CD6: variants seen among roughly 807,000 people sequenced by gnomAD.
CD6 encodes the protein CD6 molecule.
CD6 carries 53 observed loss-of-function variants against 75.3 expected under a neutral mutation model. The observed-to-expected ratio is 0.70, with a 90% CI of 0.56 to 0.88. The LOEUF is 0.88. CD6 is among the 40% of genes least tolerant of loss of function. The pLI, the probability that CD6 is intolerant of heterozygous loss-of-function variation, is 0.00. For synonymous variants in CD6, 359 were observed against 381.5 expected (o/e 0.94, Z 0.69); for missense variants, 770 against 897.1 (o/e 0.86, Z 1.81).
intron 1 of CD6, among the ~76,000 whole-genome samples, chr11:61,000,936 G>T (rs1451372035): frequency 6.6e-6 from 1 of 152,066 alleles, no homozygotes; most frequent in Non-Finnish European, 1.5e-5. Context: ...CTGGGCTGGG[G>T]TCGGCACTCC....
chr11:61,001,239 C>T (rs1283934037), intron 1 of CD6, among the ~76,000 whole-genome samples: 3 of 119,782 alleles, frequency 2.5e-5, no homozygotes, highest in African/African-American at 3.4e-5. Flanking sequence ...CTTGCTCTGT[C>T]GCCCAGGCTA....
At chr11:60,996,478 T>C (rs1387556023) in intron 1 of CD6, among the ~76,000 whole-genome samples, 2 of 152,236 alleles carry the variant, frequency 1.3e-5, no homozygotes, top group African/African-American at 4.8e-5. Context: ...CAGGTGAGTG[T>C]TTCCGGACAG....
rs1859603346 is a variant in CD6, at chr11:61,020,122, G to A, written c.*804G>A. ...CCCCACCACAGATCCCAGAGATAGGGGCCCAGTCTCCATGGGGGCAAGGAG... is the reference window on the plus strand; with the variant it reads ...CCCCACCACAGATCCCAGAGATAGGAGCCCAGTCTCCATGGGGGCAAGGAG... On this transcript the variant is annotated 3_prime_UTR_variant, in exon 13 of 13. Coordinates refer to ENST00000313421, the MANE Select transcript of CD6 (RefSeq NM_006725.5). 1 of 398,700 alleles carries A rather than the reference G, an allele frequency of 2.5e-6. No homozygotes were observed. The highest frequency in any genetic ancestry group is 4.4e-6 in the Non-Finnish European group (1 of 226,182). 24.7% of individuals were successfully genotyped at this position (398,700 alleles called of 1,614,324 possible). A position where few individuals can be genotyped will look rare whatever the true frequency, so the allele number is the denominator to read the frequency against.
intron 1 of CD6, among the ~76,000 whole-genome samples, chr11:60,983,900 G>A (rs1481519375): frequency 6.6e-6 from 1 of 152,162 alleles, no homozygotes; most frequent in Non-Finnish European, 1.5e-5. Flanking sequence ...GCATAGAGCA[G>A]TTATTCTGTA....
chr11:60,984,674 A>G (rs1221699584), intron 1 of CD6, among the ~76,000 whole-genome samples: 1 of 152,244 alleles, frequency 6.6e-6, no homozygotes, highest in Non-Finnish European at 1.5e-5. Context: ...TATGTGCACC[A>G]AGGGAAATCA....
At chr11:60,997,874 T>C (rs1413789526) in intron 1 of CD6, among the ~76,000 whole-genome samples, 3 of 152,236 alleles carry the variant, frequency 2.0e-5, no homozygotes, top group Non-Finnish European at 4.4e-5. Context: ...AAGTGCTCAG[T>C]AGCCACACGT....
At chr11:60,977,221 C>T (rs967453273) in intron 1 of CD6, among the ~76,000 whole-genome samples, 31 of 152,278 alleles carry the variant, frequency 2.0e-4, no homozygotes, top group African/African-American at 7.2e-4. Flanking sequence ...CTGTTAGATT[C>T]TGAGTTAAGG....
At chr11:60,992,925 T>G (rs1858127469) in intron 1 of CD6, among the ~76,000 whole-genome samples, 1 of 152,112 alleles carries the variant, frequency 6.6e-6, no homozygotes, top group Non-Finnish European at 1.5e-5. Context: ...GTCTAAAGTC[T>G]GGCGGGGGAT....
chr11:60,976,420 G>C (rs1857366505), intron 1 of CD6, among the ~76,000 whole-genome samples: 1 of 152,126 alleles, frequency 6.6e-6, no homozygotes, highest in Non-Finnish European at 1.5e-5. Context: ...GAACTCAATG[G>C]CCAAATGTTT....
At chr11:60,986,855 C>A (rs1857838505) in intron 1 of CD6, among the ~76,000 whole-genome samples, 1 of 152,168 alleles carries the variant, frequency 6.6e-6, no homozygotes, top group South Asian at 2.1e-4. Context: ...CTCCCTGGCG[C>A]CGTGGCGCAC....
chr11:61,018,309 A>G lies in CD6; in HGVS notation c.1858A>G (p.Ser620Gly). Reference protein sequence around the residue: ...AFSAGPPADDSSSTSSGEWYQ... With the variant: ...AFSAGPPADDGSSTSSGEWYQ... Reference sequence around the variant, plus strand: ...TCCAGCAGGGCCCCCGGCTGATGACAGCTCCAGCACCTCATCCGGGGAGTG... The same window carrying G: ...TCCAGCAGGGCCCCCGGCTGATGACGGCTCCAGCACCTCATCCGGGGAGTG... Residue 620 changes from serine (S) to glycine (G), a missense_variant, in exon 12 of 13, where the codon AGC becomes GGC. Ser to Gly is a moderately conservative substitution (Grantham distance 56). Transcript: ENST00000313421. The G allele has an allele frequency of 6.2e-7, 1 of 1,606,562 alleles. No individual in the cohort carries two copies. Among genetic ancestry groups the G allele is most frequent in the Non-Finnish European group, 8.5e-7 (1 of 1,176,796 alleles).
intron 8 of CD6, among the ~76,000 whole-genome samples, chr11:61,014,768 A>G (rs1175483234): frequency 6.6e-6 from 1 of 151,984 alleles, no homozygotes; most frequent in African/African-American, 2.4e-5. Context: ...TCAGTCATTC[A>G]TCCTTTATGA....
intron 1 of CD6, among the ~76,000 whole-genome samples, chr11:60,977,017 T>C (rs1307678632): frequency 6.6e-6 from 1 of 152,144 alleles, no homozygotes; most frequent in Non-Finnish European, 1.5e-5. Context: ...CAATGACTGA[T>C]GACAGTTAGC....
intron 1 of CD6, among the ~76,000 whole-genome samples, chr11:60,987,371 T>C (rs72922419): frequency 4.9e-4 from 75 of 152,358 alleles, no homozygotes; most frequent in Non-Finnish European, 9.6e-4. Context: ...AACAGTCATA[T>C]TGAATTGGGG....
intron 1 of CD6, among the ~76,000 whole-genome samples, chr11:60,991,153 T>C (rs1487488889): frequency 4.3e-5 from 6 of 140,870 alleles, no homozygotes; most frequent in Non-Finnish European, 1.5e-5. Context: ...TTCTTTCTTT[T>C]TTTTTTTTTT....
At chr11:60,999,962 G>C (rs938294210) in intron 1 of CD6, among the ~76,000 whole-genome samples, 7 of 152,042 alleles carry the variant, frequency 4.6e-5, no homozygotes, top group African/African-American at 1.2e-4. Flanking sequence ...TGCGGCAGGA[G>C]AATCGCTTGA....
rs370138064 is a variant in CD6, at chr11:61,006,318, C to T, written c.50-256C>T. ...CTGGCCCCAGTGCCCACTGCCTTTC[C>T]TCCCTGTTCTACTCCGATTTCTGAA... On this transcript the variant is annotated intron_variant, in intron 1 of 12. Transcript: ENST00000313421. Among the ~76,000 whole-genome samples the T allele has an allele frequency of 6.9e-4, 105 of 152,332 alleles. 1 individual carries two copies. The highest frequency in any genetic ancestry group is 2.4e-3 in the African/African-American group (101 of 41,568).
intron 1 of CD6, among the ~76,000 whole-genome samples, chr11:60,998,402 C>G (rs938689212): frequency 1.3e-5 from 2 of 152,122 alleles, no homozygotes; most frequent in African/African-American, 4.8e-5. Flanking sequence ...AAGGACTGGA[C>G]AAGATCAAAA....
intron 1 of CD6, among the ~76,000 whole-genome samples, chr11:60,988,861 G>T (rs552796425): frequency 6.6e-6 from 1 of 152,316 alleles, no homozygotes; most frequent in South Asian, 2.1e-4. Context: ...GCCAGTGGGT[G>T]GGGGCAGGCC....
Sources: gnomAD v4.1 joint callset for allele counts (sites outside exome capture counted in the v4.1 genomes callset) on GRCh38, gnomAD v4.1.1 for gene constraint, MANE v1.5 for transcripts, NCBI Gene and HGNC (gene_info 2026-07-23, HGNC 2026-07-21) for gene names.